Variants in DCAF6 observed in about 807,000 individuals in gnomAD.
DCAF6 encodes the protein DDB1 and CUL4 associated factor 6.
A neutral mutation model predicts 125.1 loss-of-function variants in DCAF6; 54 were observed. That is an observed-to-expected ratio of 0.43 (90% CI 0.35 to 0.54). DCAF6 has a LOEUF of 0.54. DCAF6 is among the 20% of genes least tolerant of loss of function. The pLI is 0.01. For synonymous variants in DCAF6, 371 were observed against 390.4 expected (o/e 0.95, Z 0.58); for missense variants, 934 against 1,161.7 (o/e 0.80, Z 2.85).
At chr1:168,041,892 GCGCACACACACACACACA>G (rs1688581692) in intron 13 of DCAF6, among the ~76,000 whole-genome samples, 4 of 119,754 alleles carry the variant, frequency 3.3e-5, no homozygotes, top group Non-Finnish European at 5.7e-5. Context: ...CATGTTTGTC[GCGCACACACACACACACA>G]CACACACACA....
At chr1:167,915,083 G>A in the DCAF6 span, among the ~76,000 whole-genome samples, 1 of 152,152 alleles carries the variant, frequency 6.6e-6, no homozygotes, top group Non-Finnish European at 1.5e-5. Context: ...GGCTCCAGTA[G>A]AGACCTTTGT....
the DCAF6 span, among the ~76,000 whole-genome samples, chr1:167,927,280 C>G: frequency 6.6e-6 from 1 of 152,214 alleles, no homozygotes; most frequent in Non-Finnish European, 1.5e-5. Flanking sequence ...GACCACAGCT[C>G]TCTTCCCCTG....
At chr1:168,043,561 A>T (rs1688807454) in intron 14 of DCAF6, among the ~76,000 whole-genome samples, 1 of 152,222 alleles carries the variant, frequency 6.6e-6, no homozygotes, top group Admixed American at 6.5e-5. Flanking sequence ...GTGCCACTTA[A>T]GGGATTTTTC....
the DCAF6 span, among the ~76,000 whole-genome samples, chr1:167,898,920 T>A: frequency 6.6e-6 from 1 of 152,156 alleles, no homozygotes; most frequent in Non-Finnish European, 1.5e-5. Flanking sequence ...TTATAGTCAA[T>A]CTGCAACTTA....
chr1:168,057,304 GTACTTT>G (rs1222857231), intron 17 of DCAF6, among the ~76,000 whole-genome samples: 2 of 152,054 alleles, frequency 1.3e-5, no homozygotes, highest in Non-Finnish European at 2.9e-5. Flanking sequence ...AATGTGACTA[GTACTTT>G]TAAAACGGGT....
Position 167,963,561 on chromosome 1 carries a change from C to G in DCAF6, c.160-3068C>G, listed in dbSNP as rs1358120965. 2.6e-5 allele frequency among the ~76,000 whole-genome samples: 4 copies of G among 151,830 alleles called. No homozygotes were observed. In the East Asian group the frequency reaches 7.8e-4, roughly 29 times the overall value. On this transcript the variant is annotated intron_variant, in intron 2 of 21. Transcript: ENST00000367840. The stretch of plus-strand genomic sequence containing the variant: ...GTTCAAGTGATTCTCCTGCCTCAGC[C>G]TCCTGAGTAGCTGGGATGCCACCAC...
chr1:168,067,082 A>G (rs74122611), intron 20 of DCAF6, among the ~76,000 whole-genome samples: 8 of 152,176 alleles, frequency 5.3e-5, no homozygotes, highest in Non-Finnish European at 1.0e-4. Context: ...TTCCTCCCCA[A>G]CTTCAACCAG....
chr1:167,932,463 T>C (rs911341007), upstream of DCAF6, among the ~76,000 whole-genome samples: 4 of 152,120 alleles, frequency 2.6e-5, no homozygotes, highest in Non-Finnish European at 5.9e-5. Context: ...CAAATACAAA[T>C]AAATGACACT....
intron 3 of DCAF6, among the ~76,000 whole-genome samples, chr1:167,969,014 T>C (rs892101138): frequency 2.6e-5 from 4 of 152,188 alleles, no homozygotes; most frequent in Non-Finnish European, 5.9e-5. Flanking sequence ...AATTATATTA[T>C]GATTACTATA....
intron 21 of DCAF6, among the ~76,000 whole-genome samples, chr1:168,073,965 TTGAA>T (rs1693467966): frequency 1.4e-5 from 2 of 144,616 alleles, no homozygotes; most frequent in Admixed American, 6.8e-5. Context: ...TAAATATGTA[TTGAA>T]TACATATTTA....
chr1:167,899,136 G>C, the DCAF6 span, among the ~76,000 whole-genome samples: 3 of 152,120 alleles, frequency 2.0e-5, no homozygotes, highest in Non-Finnish European at 4.4e-5. Flanking sequence ...AGACCCTTCT[G>C]GTTCCTTAAG....
chr1:168,075,256 A>G, intron 21 of DCAF6, 115 bp from the exon 22 acceptor site: 2 of 912,290 alleles, frequency 2.2e-6, no homozygotes, highest in South Asian at 3.4e-5. Context: ...AAAGACATCC[A>G]CACATAGTGG....
intron 13 of DCAF6, 31 bp from the exon 14 acceptor site, chr1:168,042,994 G>T: frequency 1.3e-6 from 2 of 1,484,988 alleles, no homozygotes; most frequent in Non-Finnish European, 9.3e-7. Context: ...TTAACTTCTT[G>T]GTGGAATCAC....
At chr1:167,891,109 G>C in the DCAF6 span, among the ~76,000 whole-genome samples, 1 of 151,992 alleles carries the variant, frequency 6.6e-6, no homozygotes, top group Non-Finnish European at 1.5e-5. Context: ...TTACAGGTGT[G>C]TGCCACCGCG....
intron 4 of DCAF6, among the ~76,000 whole-genome samples, chr1:167,977,153 C>T (rs1032005324): frequency 3.3e-5 from 5 of 150,358 alleles, no homozygotes; most frequent in Non-Finnish European, 7.4e-5. Flanking sequence ...ATCTGCCTGC[C>T]TCTGCCTCTC....
the DCAF6 span, among the ~76,000 whole-genome samples, chr1:167,886,053 C>G: frequency 6.6e-6 from 1 of 152,186 alleles, no homozygotes; most frequent in South Asian, 2.1e-4. Flanking sequence ...AAAGAGGACA[C>G]AAACAAATGG....
chr1:167,894,388 C>T, the DCAF6 span, among the ~76,000 whole-genome samples: 124 of 152,198 alleles, frequency 8.1e-4, no homozygotes, highest in African/African-American at 2.8e-3. Flanking sequence ...CACTGTGTGA[C>T]CCTGGAGAAG....
chr1:167,996,105 T>C (rs1179852929), intron 7 of DCAF6, among the ~76,000 whole-genome samples: 2 of 152,232 alleles, frequency 1.3e-5, no homozygotes, highest in African/African-American at 2.4e-5. Flanking sequence ...TTTTGTCTTA[T>C]GTTTCCATAA....
chr1:168,019,469 G>C (rs1685409726), intron 11 of DCAF6: 1 of 416,376 alleles, frequency 2.4e-6, no homozygotes, highest in Middle Eastern at 3.5e-4. Flanking sequence ...TGTATCAGAT[G>C]AATGTCCTAA....
Sources: gnomAD v4.1 joint callset for allele counts (sites outside exome capture counted in the v4.1 genomes callset) on GRCh38, gnomAD v4.1.1 for gene constraint, MANE v1.5 for transcripts, NCBI Gene and HGNC (gene_info 2026-07-23, HGNC 2026-07-21) for gene names.